Variants in GPR143 observed in about 807,000 individuals in gnomAD.
GPR143 encodes G protein-coupled receptor 143, also known as G-protein coupled receptor 143.
A neutral mutation model predicts 27.6 loss-of-function variants in GPR143; 8 were observed. That is an observed-to-expected ratio of 0.29 (90% CI 0.17 to 0.52). The LOEUF is 0.52. Among genes scored for constraint, GPR143 ranks in the 20% least tolerant of loss-of-function variants. The pLI is 0.96. For missense variants in GPR143, 303 were observed against 343.1 expected (o/e 0.88, Z 0.92); for synonymous variants, 156 against 153.2 (o/e 1.02, Z -0.13).
At chrX:9,750,179 A>G (rs1296331317) in intron 3 of GPR143, among the ~76,000 whole-genome samples, 1 of 112,421 alleles carries the variant, frequency 8.9e-6, no homozygotes, top group African/African-American at 3.2e-5. Context: ...TAGGGCTGCT[A>G]TGAACATGTG....
intron 1 of GPR143, among the ~76,000 whole-genome samples, chrX:9,774,596 A>G (rs4830656): frequency 0.12 from 13,263 of 109,039 alleles, 703 homozygotes; most frequent in Middle Eastern, 0.18. Context: ...CCAGCAACTG[A>G]GACTGAAGGA....
chrX:9,754,704 C>T (rs938192968), intron 3 of GPR143, among the ~76,000 whole-genome samples: 1 of 111,906 alleles, frequency 8.9e-6, no homozygotes, highest in African/African-American at 3.2e-5. Flanking sequence ...CCCAGCTTCT[C>T]AGGGCCCTGT....
intron 1 of GPR143, among the ~76,000 whole-genome samples, chrX:9,778,229 T>C (rs1389021576): frequency 8.9e-6 from 1 of 112,218 alleles, no homozygotes; most frequent in Non-Finnish European, 1.9e-5. Flanking sequence ...GCCCCAAATA[T>C]TCCTGAGGTC....
chrX:9,765,231 C>T (rs985799521), intron 1 of GPR143, among the ~76,000 whole-genome samples: 2 of 109,169 alleles, frequency 1.8e-5, no homozygotes, highest in Non-Finnish European at 3.8e-5. Flanking sequence ...TCGATCCGGT[C>T]TCAACCTGCG....
intron 3 of GPR143, 44 bp downstream of exon 3, chrX:9,759,288 C>A: frequency 1.2e-6 from 1 of 843,533 alleles, no homozygotes; most frequent in Non-Finnish European, 1.7e-6. Flanking sequence ...TATCTTCCCT[C>A]TAAAATAGAA....
At chrX:9,731,800 G>A (rs1395481426) in intron 8 of GPR143, among the ~76,000 whole-genome samples, 1 of 98,303 alleles carries the variant, frequency 1.0e-5, no homozygotes, top group Non-Finnish European at 2.1e-5. Flanking sequence ...AAGGAATTGG[G>A]GGGGGGGGGA....
At chrX:9,765,293 C>T (rs1389904230) in intron 1 of GPR143, among the ~76,000 whole-genome samples, 1 of 111,719 alleles carries the variant, frequency 9.0e-6, no homozygotes, top group Non-Finnish European at 1.9e-5. Flanking sequence ...CAGGGCCTCA[C>T]GCCCTCACCC....
intron 8 of GPR143, among the ~76,000 whole-genome samples, chrX:9,735,824 A>T (rs1244269905): frequency 8.9e-6 from 1 of 112,319 alleles, no homozygotes; most frequent in Non-Finnish European, 1.9e-5. Flanking sequence ...TCCACTGTCT[A>T]CATAGGGAGA....
At chrX:9,770,493 T>C (rs1457027359), upstream of GPR143, among the ~76,000 whole-genome samples, 1 of 110,438 alleles carries the variant, frequency 9.1e-6, no homozygotes, top group Non-Finnish European at 1.9e-5. Context: ...AGCAGCTGCT[T>C]GAAAGGCTGG....
chrX:9,735,649 T>C (rs978519056), intron 8 of GPR143, among the ~76,000 whole-genome samples: 18 of 112,344 alleles, frequency 1.6e-4, no homozygotes, highest in African/African-American at 5.8e-4. Flanking sequence ...AAAATGGTGT[T>C]GAATATTTGC....
intron 3 of GPR143, among the ~76,000 whole-genome samples, chrX:9,751,647 G>A (rs1214259820): frequency 8.9e-6 from 1 of 112,377 alleles, no homozygotes; most frequent in Non-Finnish European, 1.9e-5. Context: ...TGGGTACAGG[G>A]TTTCTTTTTG....
chrX:9,755,517 T>C (rs1318163717), intron 3 of GPR143, among the ~76,000 whole-genome samples: 2 of 108,935 alleles, frequency 1.8e-5, no homozygotes, highest in Non-Finnish European at 3.8e-5. Context: ...AACTAACTTC[T>C]GACCGATAAT....
intron 5 of GPR143, among the ~76,000 whole-genome samples, chrX:9,745,202 C>T (rs984167301): frequency 9.7e-5 from 11 of 112,832 alleles, no homozygotes; most frequent in Non-Finnish European, 1.9e-4. Context: ...TTGCAGTGAG[C>T]CGAGATCACG....
rs1305971978 is a variant in GPR143 at position 9,765,664 on chromosome X, G to T, written c.154C>A (p.Arg52Ser). The change falls in exon 1 of 9, where the codon CGC (arginine) becomes AGC (serine). Residue 52 changes from arginine (R) to serine (S), a missense_variant. By Grantham distance (110) the Arg-to-Ser change is moderately radical (BLOSUM62 -1). Transcript: ENST00000467482. ...ALGLLQLLPG[R>S]RPAGPGSPAT... Reference sequence around the variant, plus strand: ...GGGGACCCGGGGCCCGCGGGCCGGCGGCCGGGCAGCAGCTGCAGAAGGCCC... The same window carrying T: ...GGGGACCCGGGGCCCGCGGGCCGGCTGCCGGGCAGCAGCTGCAGAAGGCCC... 1.9e-5 allele frequency: 19 copies of T among 997,750 alleles called. No homozygotes were observed. The highest frequency in any genetic ancestry group is 2.4e-5 in the Non-Finnish European group (19 of 793,721). 82.2% of individuals were successfully genotyped at this position (997,750 alleles called of 1,213,427 possible).
At chrX:9,733,786 T>C (rs757693290) in intron 8 of GPR143, among the ~76,000 whole-genome samples, 11 of 110,434 alleles carry the variant, frequency 1.0e-4, no homozygotes, top group Non-Finnish European at 2.1e-4. Context: ...TGGTAGAAAA[T>C]AGATTATAGA....
intron 5 of GPR143, among the ~76,000 whole-genome samples, chrX:9,744,197 C>T (rs1292539998): frequency 9.2e-6 from 1 of 109,123 alleles, no homozygotes; most frequent in Non-Finnish European, 1.9e-5. Flanking sequence ...ATTATCCAGG[C>T]ATGGTGGTGC....
chrX:9,729,190 G>A (rs775294255), intron 8 of GPR143, among the ~76,000 whole-genome samples: 13 of 111,457 alleles, frequency 1.2e-4, no homozygotes, highest in Non-Finnish European at 2.4e-4. Context: ...TTCCAGTTCC[G>A]GAGCAACATT....
intron 1 of GPR143, among the ~76,000 whole-genome samples, chrX:9,763,636 C>A (rs917142303): frequency 9.0e-6 from 1 of 111,585 alleles, no homozygotes; most frequent in Non-Finnish European, 1.9e-5. Flanking sequence ...AGCCGGGTAC[C>A]CGTACCTCAC....
Position 9,734,027 on chromosome X carries a change from C to G in GPR143, c.1120+5458G>C, listed in dbSNP as rs1200477467. The stretch of plus-strand genomic sequence containing the variant: ...CCCAGGAGGCAGAGGTTGTGGTGAG[C>G]TTAGATCGCGCCATTGCACTCCAGT... On this transcript the variant is annotated intron_variant, in intron 8 of 8. Transcript: ENST00000467482. Among the ~76,000 whole-genome samples, 13 of 100,603 alleles carry G rather than the reference C, an allele frequency of 1.3e-4. No homozygotes were observed. The Admixed American group carries it at 1.4e-3, about 11-fold the overall frequency. The allele number at this position is 100,603 out of a possible 115,157, so 87.4% of individuals were successfully genotyped here.
Sources: gnomAD v4.1 joint callset for allele counts (sites outside exome capture counted in the v4.1 genomes callset) on GRCh38, gnomAD v4.1.1 for gene constraint, MANE v1.5 for transcripts, NCBI Gene and HGNC (gene_info 2026-07-23, HGNC 2026-07-21) for gene names.